The following FAM156A variants were observed in gnomAD, a reference collection of about 807,000 sequenced individuals.
FAM156A encodes the protein family with sequence similarity 156 member A, also known as protein FAM156A/FAM156B.
chrX:52,985,790 C>T (rs1556794266), intron 1 of FAM156A, among the ~76,000 whole-genome samples: 1 of 110,438 alleles, frequency 9.1e-6, no homozygotes, highest in East Asian at 2.8e-4. Context: ...AAAAATAGAT[C>T]ATTGGCCAGC....
At chrX:52,978,372 G>A (rs1454725251) in intron 1 of FAM156A, among the ~76,000 whole-genome samples, 1 of 111,905 alleles carries the variant, frequency 8.9e-6, no homozygotes, top group African/African-American at 3.3e-5. Flanking sequence ...CCATATGCCA[G>A]GGACTGTCCA....
At chrX:52,975,537 A>C (rs1929402175) in intron 1 of FAM156A, among the ~76,000 whole-genome samples, 1 of 112,208 alleles carries the variant, frequency 8.9e-6, no homozygotes, top group African/African-American at 3.2e-5. Context: ...GGAATGACCC[A>C]ACCCAGCCCT....
At chrX:52,990,277 C>G (rs1467689253) in intron 1 of FAM156A, among the ~76,000 whole-genome samples, 5 of 111,887 alleles carry the variant, frequency 4.5e-5, no homozygotes, top group African/African-American at 1.6e-4. Context: ...CTGGAGACAC[C>G]AAGACCTCAC....
chrX:52,988,771 G>A (rs1389466710), intron 1 of FAM156A, among the ~76,000 whole-genome samples: 1 of 112,095 alleles, frequency 8.9e-6, no homozygotes, highest in Non-Finnish European at 1.9e-5. Flanking sequence ...GTCTCTGTAT[G>A]GTCTAGCTCA....
chrX:52,974,271 C>T (rs1929275990), intron 1 of FAM156A, among the ~76,000 whole-genome samples: 1 of 112,349 alleles, frequency 8.9e-6, no homozygotes, highest in Non-Finnish European at 1.9e-5. Context: ...GTAAGAGTCT[C>T]ACAGTGTACA....
intron 1 of FAM156A, among the ~76,000 whole-genome samples, chrX:52,982,964 C>T (rs1242205030): frequency 1.8e-5 from 2 of 112,878 alleles, no homozygotes; most frequent in African/African-American, 6.4e-5. Context: ...GGCTATTAGT[C>T]CTTTGTTGTG....
At chrX:52,982,016 A>T (rs1929951224) in intron 1 of FAM156A, among the ~76,000 whole-genome samples, 1 of 111,653 alleles carries the variant, frequency 9.0e-6, no homozygotes, top group South Asian at 3.8e-4. Flanking sequence ...CTACAATGAG[A>T]TATCATCTCA....
chrX:52,979,521 C>T (rs781784650), intron 1 of FAM156A, among the ~76,000 whole-genome samples: 34 of 111,269 alleles, frequency 3.1e-4, no homozygotes, highest in African/African-American at 1.1e-3. Flanking sequence ...CTCCTCCCTC[C>T]AGCTGTCCTT....
intron 1 of FAM156A, among the ~76,000 whole-genome samples, chrX:52,988,259 A>G (rs1443236824): frequency 9.3e-6 from 1 of 107,315 alleles, no homozygotes; most frequent in Non-Finnish European, 1.9e-5. Context: ...AAAAAAAAAG[A>G]AAAGAAAAGA....
chrX:52,995,348 C>T (rs1352610500), exon 1 of FAM156A: 1 of 113,003 alleles, frequency 8.8e-6, no homozygotes, highest in African/African-American at 3.2e-5. Context: ...GGTGGCATCT[C>T]CAGCCCCTTT....
intron 1 of FAM156A, among the ~76,000 whole-genome samples, chrX:52,973,435 T>C (rs1929189466): frequency 9.2e-6 from 1 of 108,885 alleles, no homozygotes; most frequent in Non-Finnish European, 1.9e-5. Context: ...CATCAGAATC[T>C]GTGCAACCCA....
chrX:52,988,795 C>T (rs1427707636), intron 1 of FAM156A, among the ~76,000 whole-genome samples: 4 of 112,236 alleles, frequency 3.6e-5, no homozygotes, highest in Non-Finnish European at 7.5e-5. Flanking sequence ...CTTCTCATAG[C>T]TGTGCAGTAA....
At chrX:52,984,298 G>C (rs1335830711) in intron 1 of FAM156A, among the ~76,000 whole-genome samples, 3 of 112,564 alleles carry the variant, frequency 2.7e-5, no homozygotes, top group African/African-American at 9.7e-5. Context: ...TAGAGATTCA[G>C]TGTTGAAGAC....
intron 1 of FAM156A, among the ~76,000 whole-genome samples, chrX:52,988,469 G>A (rs1350679161): frequency 9.0e-6 from 1 of 110,739 alleles, no homozygotes; most frequent in Non-Finnish European, 1.9e-5. Context: ...AACCCAGGAA[G>A]TTCTTTGGGG....
At chrX:52,978,104 A>G (rs1929617728) in intron 1 of FAM156A, among the ~76,000 whole-genome samples, 1 of 111,734 alleles carries the variant, frequency 8.9e-6, no homozygotes, top group Non-Finnish European at 1.9e-5. Flanking sequence ...TTTCCATACA[A>G]GCTCATGATG....
At chrX:52,977,105 CATATAT>C (rs59645649) in intron 1 of FAM156A, among the ~76,000 whole-genome samples, 3 of 97,628 alleles carry the variant, frequency 3.1e-5, no homozygotes, top group Non-Finnish European at 4.1e-5. Context: ...CACACACACA[CATATAT>C]ATATATATAT....
At chrX:52,983,882 C>T (rs781822459) in intron 1 of FAM156A, among the ~76,000 whole-genome samples, 2 of 112,472 alleles carry the variant, frequency 1.8e-5, no homozygotes. Flanking sequence ...GTGTGTGAGG[C>T]CATAATCGCC....
At chrX:52,983,156 G>A (rs1201726236) in intron 1 of FAM156A, among the ~76,000 whole-genome samples, 3 of 112,448 alleles carry the variant, frequency 2.7e-5, no homozygotes, top group Non-Finnish European at 5.6e-5. Flanking sequence ...GTGAGGCTGA[G>A]ATGGGAGGAT....
intron 1 of FAM156A, among the ~76,000 whole-genome samples, chrX:52,981,373 G>A (rs1321436872): frequency 9.0e-6 from 1 of 111,594 alleles, no homozygotes; most frequent in Non-Finnish European, 1.9e-5. Context: ...GCCTTCCAGG[G>A]ATGAGGCAGT....
Sources: allele counts gnomAD v4.1 joint callset (sites outside exome capture counted in the v4.1 genomes callset), GRCh38; gene constraint gnomAD v4.1.1; transcripts MANE v1.5; gene names NCBI Gene and HGNC (gene_info 2026-07-23, HGNC 2026-07-21).